Variants in ELMOD3 observed in about 807,000 individuals in gnomAD.
ELMOD3 encodes ELMO domain-containing protein 3.
In ELMOD3, 36 loss-of-function variants were observed where a neutral mutation model predicts 47.4. The observed-to-expected ratio is 0.76, with a 90% CI of 0.58 to 1.00. The LOEUF is 1.00. Among genes scored for constraint, ELMOD3 ranks in the 50% least tolerant of loss-of-function variants. ELMOD3 has a pLI of 0.00. For missense variants in ELMOD3, 404 were observed against 463.8 expected (o/e 0.87, Z 1.18); for synonymous variants, 149 against 183.5 (o/e 0.81, Z 1.52).
chr2:85,362,114 G>GTA (rs1684017595), intron 4 of ELMOD3, 72 bp from the exon 5 acceptor site: 1 of 939,714 alleles, frequency 1.1e-6, no homozygotes, highest in Admixed American at 2.1e-5. Context: ...AAAAAAAAAA[G>GTA]TATGACATTT....
intron 11 of ELMOD3, among the ~76,000 whole-genome samples, chr2:85,377,728 C>T (rs936506460): frequency 1.4e-4 from 21 of 152,166 alleles, no homozygotes; most frequent in African/African-American, 4.6e-4. Context: ...TCTTTGGTGC[C>T]GTAAAGAAAT....
chr2:85,371,936 T>C, intron 10 of ELMOD3: 1 of 207,424 alleles, frequency 4.8e-6, no homozygotes, highest in Non-Finnish European at 9.9e-6. Context: ...TTTGGGAGGC[T>C]GAGGTAGGTG....
chr2:85,357,029 C>T lies in ELMOD3; in HGVS notation c.-170C>T, dbSNP rs137997966. The T allele has an allele frequency of 4.4e-5, 24 of 544,732 alleles. No individual in the cohort carries two copies. In the East Asian group the frequency reaches 5.1e-4, roughly 12 times the overall value. 33.7% of individuals were successfully genotyped at this position (544,732 alleles called of 1,614,324 possible). ...CACTCACAGAAACCTCCTACACCCT[C>T]GGATGGCACAAAGGGACTGTTTTCT... On this transcript the variant is annotated 5_prime_UTR_variant, in exon 4 of 14. Coordinates refer to ENST00000409013, the MANE Select transcript of ELMOD3 (RefSeq NM_001135022.2).
Position 85,377,339 on chromosome 2 carries a change from T to C in ELMOD3, c.608-5T>C. The C allele has an allele frequency of 1.3e-6, 2 of 1,594,338 alleles. No individual in the cohort carries two copies. The highest frequency in any genetic ancestry group is 1.7e-6 in the Non-Finnish European group (2 of 1,170,922). On this transcript the variant is annotated splice_region_variant and splice_polypyrimidine_tract_variant and intron_variant, in intron 10 of 13. Transcript: ENST00000409013. ...CACCCTGTTTCCTCACGGTCTCTGT[T>C]ACAGGAGCGAATCCAGCCACAGACC...
intron 6 of ELMOD3, among the ~76,000 whole-genome samples, chr2:85,364,034 C>T (rs543566493): frequency 3.9e-5 from 6 of 152,026 alleles, no homozygotes; most frequent in Non-Finnish European, 7.4e-5. Context: ...GAGGCTGAGG[C>T]ACAAGAATTG....
At position 85,361,773 on chromosome 2, in the gene ELMOD3, C is replaced by CA. The variant is rs924013147; in HGVS notation, c.55-405dup. On this transcript the variant is annotated intron_variant, in intron 4 of 13. Coordinates refer to ENST00000409013, the MANE Select transcript of ELMOD3 (RefSeq NM_001135022.2). ...TGAAACCCCGTCTCTACTAAAAATA[C>CA]AAAAAAAATTAGTCGGGCCTGGTGG... 6.6e-5 allele frequency among the ~76,000 whole-genome samples: 10 copies of CA among 151,622 alleles called. No individual in the cohort carries two copies. The East Asian group carries it at 1.4e-3, about 21-fold the overall frequency.
At chr2:85,387,243 G>A (rs1685996059) in intron 11 of ELMOD3, 32 of 1,151,618 alleles carry the variant, frequency 2.8e-5, no homozygotes, top group Non-Finnish European at 3.3e-5. Context: ...TAATAACGAC[G>A]AACATTTGTT....
chr2:85,390,324 G>T (rs1332093142), intron 13 of ELMOD3, 59 bp downstream of exon 13: 1 of 1,614,126 alleles, frequency 6.2e-7, no homozygotes, highest in South Asian at 1.1e-5. Flanking sequence ...GGTCCAGAGA[G>T]CCCAAGGTGG....
chr2:85,364,825 A>ATATATATTTT (rs375582916), intron 6 of ELMOD3, among the ~76,000 whole-genome samples: 17 of 69,894 alleles, frequency 2.4e-4, no homozygotes, highest in South Asian at 1.9e-3. Context: ...ATATATATAT[A>ATATATATTTT]TTTTTTTTTT....
At chr2:85,365,123 A>T (rs1382834926) in intron 6 of ELMOD3, among the ~76,000 whole-genome samples, 2 of 139,794 alleles carry the variant, frequency 1.4e-5, no homozygotes, top group Non-Finnish European at 3.1e-5. Context: ...GGCTAACTTT[A>T]AAAAAAAAAA....
intron 4 of ELMOD3, 23 bp downstream of exon 4, chr2:85,357,275 G>A (rs757204091): frequency 9.8e-6 from 15 of 1,524,744 alleles, no homozygotes; most frequent in Non-Finnish European, 1.3e-5. Flanking sequence ...TCTTATTTGG[G>A]AAAGGTGGTG....
rs899482105 is a variant in ELMOD3, at chr2:85,356,974, G to T, written c.-225G>T. ...TTTTTTTCTTTTGTGCAGAGCTGAGGCTTCGAAGACCTCAGAGGACTTCTC... is the reference window on the plus strand; with the variant it reads ...TTTTTTTCTTTTGTGCAGAGCTGAGTCTTCGAAGACCTCAGAGGACTTCTC... On this transcript the variant is annotated 5_prime_UTR_variant, in exon 4 of 14. Coordinates refer to ENST00000409013, the MANE Select transcript of ELMOD3 (RefSeq NM_001135022.2). 3 of 403,998 alleles carry T rather than the reference G, an allele frequency of 7.4e-6. No individual in the cohort carries two copies. The highest frequency in any genetic ancestry group is 1.3e-5 in the Non-Finnish European group (3 of 227,902). 25.0% of individuals were successfully genotyped at this position (403,998 alleles called of 1,614,324 possible).
chr2:85,385,980 C>T (rs559651996), intron 11 of ELMOD3, among the ~76,000 whole-genome samples: 10 of 152,152 alleles, frequency 6.6e-5, no homozygotes, highest in Non-Finnish European at 1.2e-4. Flanking sequence ...TTCCTGACAG[C>T]TGGCCTGGCG....
At position 85,390,225 on chromosome 2, in the gene ELMOD3, A is replaced by G. The variant is rs1271089930; in HGVS notation, c.903A>G (p.Thr301=). 1 of 1,614,082 alleles carries G rather than the reference A, an allele frequency of 6.2e-7. No homozygotes were observed. Among genetic ancestry groups the G allele is most frequent in the African/African-American group, 1.3e-5 (1 of 74,916 alleles). ...TFLHLAHVWR[T]QRKTISDSGF... is the part of the protein sequence containing the mutation. Reference sequence around the variant, plus strand: ...TCCACCTCGCACATGTCTGGAGGACACAGCGGAAGACCATCTCAGACTCGG... The same window carrying G: ...TCCACCTCGCACATGTCTGGAGGACGCAGCGGAAGACCATCTCAGACTCGG... Residue 301 remains threonine, a synonymous_variant, in exon 13 of 14, where the codon ACA becomes ACG. Transcript: ENST00000409013.
intron 11 of ELMOD3, among the ~76,000 whole-genome samples, chr2:85,381,398 A>C (rs1023197730): frequency 6.6e-6 from 1 of 152,266 alleles, no homozygotes; most frequent in Non-Finnish European, 1.5e-5. Flanking sequence ...TTTTTCAATC[A>C]ATAAGCCCTA....
chr2:85,389,574 C>T (rs377663861), intron 11 of ELMOD3, 177 bp from the exon 12 acceptor site: 1 of 618,938 alleles, frequency 1.6e-6, no homozygotes, highest in Admixed American at 2.7e-5. Flanking sequence ...GTCACTGAGC[C>T]TTAGTTCCTC....
rs2104765460 is a variant in ELMOD3 at position 85,391,454 on chromosome 2, C to T, written c.*492C>T. The T allele has an allele frequency of 6.3e-6, 1 of 159,058 alleles. No individual in the cohort carries two copies. The highest frequency in any genetic ancestry group is 2.4e-5 in the African/African-American group (1 of 41,648). The allele number at this position is 159,058 out of a possible 1,614,324, so 9.9% of individuals were successfully genotyped here. ...GGGCAGCATGACCCAAGCAAGGGGC[C>T]TGAGGCCTCAGTGGGGGTAGGGCAA... is the stretch of plus-strand genomic sequence containing the variant. On this transcript the variant is annotated 3_prime_UTR_variant, in exon 14 of 14. Transcript: ENST00000409013.
intron 12 of ELMOD3, 130 bp downstream of exon 12, chr2:85,389,957 C>G: frequency 9.4e-7 from 1 of 1,065,690 alleles, no homozygotes; most frequent in Non-Finnish European, 1.5e-6. Context: ...CCCCATGCAC[C>G]GGTCTCCCCA....
In ELMOD3 at chr2:85,363,160, C is replaced by G. The variant is rs747840762; in HGVS notation, c.193C>G (p.Pro65Ala). ...ALTTEAYEWE[P>A]RVVSTEVVRA... ...GACCACAGAAGCTTATGAATGGGAGCCACGTGGTAAGGTTCCCTTCAGGGC... is the reference window on the plus strand; with the variant it reads ...GACCACAGAAGCTTATGAATGGGAGGCACGTGGTAAGGTTCCCTTCAGGGC... The change falls in exon 6 of 14, where the codon CCA becomes GCA. Residue 65 changes from proline to alanine, a missense_variant. Physicochemically the swap from Pro to Ala is conservative, Grantham distance 27 (BLOSUM62 -1). Transcript: ENST00000409013. 6.2e-7 allele frequency: 1 copy of G among 1,605,490 alleles called. No homozygotes were observed. Among genetic ancestry groups the G allele is most frequent in the South Asian group, 1.1e-5 (1 of 90,726 alleles).
Sources: gnomAD v4.1 joint callset for allele counts (sites outside exome capture counted in the v4.1 genomes callset) on GRCh38, gnomAD v4.1.1 for gene constraint, MANE v1.5 for transcripts, NCBI Gene and HGNC (gene_info 2026-07-23, HGNC 2026-07-21) for gene names.